Variants in SULF2 observed in about 807,000 individuals in gnomAD.
The protein encoded by SULF2 is sulfatase 2.
SULF2 carries 52 observed loss-of-function variants against 107.7 expected under a neutral mutation model. That is an observed-to-expected ratio of 0.48 (90% CI 0.39 to 0.61). SULF2 has a LOEUF of 0.61. Ranked by LOEUF, SULF2 falls within the 20% of genes least tolerant of loss-of-function variation. SULF2 has a pLI of 0.00. For synonymous variants in SULF2, 460 were observed against 464.3 expected (o/e 0.99, Z 0.12); for missense variants, 993 against 1,177.3 (o/e 0.84, Z 2.29).
At chr20:47,674,851 G>GTA (rs1415998666) in intron 10 of SULF2, among the ~76,000 whole-genome samples, 2 of 152,136 alleles carry the variant, frequency 1.3e-5, no homozygotes, top group Non-Finnish European at 2.9e-5. Flanking sequence ...CACTCGGGGA[G>GTA]TACCGGCTTG....
chr20:47,724,898 T>G (rs2089397047), intron 3 of SULF2, among the ~76,000 whole-genome samples: 1 of 152,208 alleles, frequency 6.6e-6, no homozygotes. Flanking sequence ...CTTGTTTTCT[T>G]GAAAGGAAAT....
chr20:47,768,790 C>A (rs1019342838), intron 1 of SULF2, among the ~76,000 whole-genome samples: 1 of 152,228 alleles, frequency 6.6e-6, no homozygotes, highest in Non-Finnish European at 1.5e-5. Flanking sequence ...GTCACCCCCA[C>A]CCCCAGTCCC....
In SULF2 at chr20:47,659,635, A is replaced by C. The variant is rs1409326589; in HGVS notation, c.2528+62T>G. ...TAACAGGTGCAGACTCACAGAGATGAGACTGAAGGATGGGCCAAGATAGGA... is the reference window on the plus strand; with the variant it reads ...TAACAGGTGCAGACTCACAGAGATGCGACTGAAGGATGGGCCAAGATAGGA... On this transcript the variant is annotated intron_variant, in intron 19 of 20. Coordinates refer to ENST00000688720, the MANE Select transcript of SULF2 (RefSeq NM_001387048.1). 11 of 1,476,902 alleles carry C rather than the reference A, an allele frequency of 7.4e-6. No homozygotes were observed. The Admixed American group carries it at 1.9e-4, about 25-fold the overall frequency. 91.5% of individuals were successfully genotyped at this position (1,476,902 alleles called of 1,614,324 possible). A position where few individuals can be genotyped will look rare whatever the true frequency, so the allele number is the denominator to read the frequency against.
chr20:47,766,845 A>T (rs2090537491), intron 1 of SULF2, among the ~76,000 whole-genome samples: 1 of 152,158 alleles, frequency 6.6e-6, no homozygotes, highest in African/African-American at 2.4e-5. Context: ...TGAGCACCAA[A>T]ATGTTTTGTA....
At chr20:47,688,523 G>C (rs535409593) in intron 5 of SULF2, among the ~76,000 whole-genome samples, 1 of 152,354 alleles carries the variant, frequency 6.6e-6, no homozygotes, top group East Asian at 1.9e-4. Flanking sequence ...CCGAAGCAAA[G>C]CGTCCCTTCC....
intron 3 of SULF2, among the ~76,000 whole-genome samples, chr20:47,705,640 T>C (rs528256660): frequency 3.3e-5 from 5 of 152,026 alleles, no homozygotes; most frequent in Non-Finnish European, 7.4e-5. Flanking sequence ...TCTGGAGACA[T>C]TTTTGGTTTC....
intron 10 of SULF2, among the ~76,000 whole-genome samples, chr20:47,674,830 C>G (rs1334407409): frequency 1.3e-5 from 2 of 152,140 alleles, no homozygotes; most frequent in Admixed American, 1.3e-4. Context: ...CAAGCAGGGA[C>G]ATGGCAACGG....
chr20:47,728,951 G>A (rs1159904861), intron 3 of SULF2, among the ~76,000 whole-genome samples: 1 of 152,248 alleles, frequency 6.6e-6, no homozygotes, highest in Non-Finnish European at 1.5e-5. Context: ...CAGCCTGAGA[G>A]CTGGCATTTT....
At chr20:47,725,746 GGCTACCTGCCA>G (rs889891259) in intron 3 of SULF2, among the ~76,000 whole-genome samples, 5 of 152,124 alleles carry the variant, frequency 3.3e-5, no homozygotes, top group African/African-American at 1.2e-4. Flanking sequence ...CTCTGCTTTG[GGCTACCTGCCA>G]GCCCTCTATG....
At chr20:47,760,750 CA>C (rs1342724885) in intron 1 of SULF2, among the ~76,000 whole-genome samples, 1 of 152,192 alleles carries the variant, frequency 6.6e-6, no homozygotes, top group Admixed American at 6.5e-5. Context: ...GTCACAATTT[CA>C]GGGGAGCTGG....
intron 15 of SULF2, 115 bp from the exon 16 acceptor site, chr20:47,663,737 T>C (rs540683476): frequency 1.9e-5 from 23 of 1,225,676 alleles, no homozygotes; most frequent in East Asian, 2.4e-5. Context: ...CAGAGAGCCA[T>C]GGGCATAGCA....
chr20:47,738,685 T>C (rs1296378292), intron 2 of SULF2, among the ~76,000 whole-genome samples: 5 of 152,228 alleles, frequency 3.3e-5, no homozygotes, highest in Admixed American at 6.5e-5. Context: ...TTGGTTCTCA[T>C]TCTCTCTTGC....
chr20:47,734,216 A>T (rs779431164), intron 3 of SULF2, among the ~76,000 whole-genome samples: 21 of 152,190 alleles, frequency 1.4e-4, no homozygotes, highest in Non-Finnish European at 2.6e-4. Flanking sequence ...ACAACTTGGA[A>T]TTTTATTTGA....
In SULF2 at chr20:47,757,367, C is replaced by G; in HGVS notation, c.-4G>C. The G allele has an allele frequency of 6.3e-7, 1 of 1,578,096 alleles. No individual in the cohort carries two copies. Among genetic ancestry groups the G allele is most frequent in the Non-Finnish European group, 8.6e-7 (1 of 1,158,206 alleles). On this transcript the variant is annotated 5_prime_UTR_variant, in exon 2 of 21. Transcript: ENST00000688720. ...GCACGAGGCTCGGGGGGCCCATCTT[C>G]TTTTTTTGCTGATCTGGTGCTTCTT...
intron 1 of SULF2, among the ~76,000 whole-genome samples, chr20:47,772,718 T>A (rs1600689200): frequency 6.6e-6 from 1 of 151,426 alleles, no homozygotes; most frequent in African/African-American, 2.4e-5. Context: ...TGCCCGACCC[T>A]CCTCCTGCCA....
intron 2 of SULF2, among the ~76,000 whole-genome samples, chr20:47,746,823 T>C (rs1032907561): frequency 6.8e-4 from 92 of 135,636 alleles, no homozygotes; most frequent in African/African-American, 2.5e-3. Context: ...CATCACACAC[T>C]GGGGCCTGTT....
chr20:47,732,590 C>T (rs768276359), intron 3 of SULF2, among the ~76,000 whole-genome samples: 1 of 152,130 alleles, frequency 6.6e-6, no homozygotes, highest in Non-Finnish European at 1.5e-5. Context: ...ACCTGTAATC[C>T]TAGCCCTTTG....
At chr20:47,682,936 T>C in intron 7 of SULF2, 58 bp downstream of exon 7, 12 of 1,509,640 alleles carry the variant, frequency 7.9e-6, no homozygotes, top group Non-Finnish European at 1.1e-5. Flanking sequence ...GCTGCATGGT[T>C]GAAGCCCTGA....
rs2087247200 is a variant in SULF2 at position 47,665,851 on chromosome 20, A to T, written c.1902+6T>A. The stretch of plus-strand genomic sequence containing the variant: ...AGAGCATGCTCCTCTCCCGCTCTCC[A>T]CTCACCTCGTGGTCGATGTGCAGCT... On this transcript the variant is annotated splice_donor_region_variant and intron_variant, in intron 13 of 20. Transcript: ENST00000688720. The T allele has an allele frequency of 6.2e-7, 1 of 1,612,646 alleles. No homozygotes were observed. Among genetic ancestry groups the T allele is most frequent in the African/African-American group, 1.3e-5 (1 of 74,774 alleles).
Sources: gnomAD v4.1 joint callset for allele counts (sites outside exome capture counted in the v4.1 genomes callset) on GRCh38, gnomAD v4.1.1 for gene constraint, MANE v1.5 for transcripts, NCBI Gene and HGNC (gene_info 2026-07-23, HGNC 2026-07-21) for gene names.